Variants in DCC observed in about 807,000 individuals in gnomAD.
DCC encodes netrin receptor DCC.
DCC carries 58 observed loss-of-function variants against 172.5 expected under a neutral mutation model. The observed-to-expected ratio is 0.34, with a 90% confidence interval of 0.27 to 0.42. DCC has a LOEUF of 0.42. DCC is among the 10% of genes least tolerant of loss of function. The pLI, the probability that DCC is intolerant of heterozygous loss-of-function variation, is 1.00. For synonymous variants in DCC, 709 were observed against 644.5 expected (o/e 1.10, Z -1.52); for missense variants, 1,740 against 1,791.0 (o/e 0.97, Z 0.51).
At chr18:52,540,597 CTTTTTTTTT>C (rs71175505) in intron 1 of DCC, among the ~76,000 whole-genome samples, 12 of 67,486 alleles carry the variant, frequency 1.8e-4, no homozygotes, top group Admixed American at 2.1e-4. Context: ...ATTCAACTGC[CTTTTTTTTT>C]TTTTTTTTTT....
intron 1 of DCC, among the ~76,000 whole-genome samples, chr18:52,617,200 A>G (rs902871211): frequency 3.3e-5 from 5 of 152,320 alleles, no homozygotes; most frequent in African/African-American, 1.2e-4. Context: ...TGGAAGTATC[A>G]CACTGTACCC....
chr18:53,035,218 A>C (rs1599051040), intron 5 of DCC, among the ~76,000 whole-genome samples: 1 of 151,866 alleles, frequency 6.6e-6, no homozygotes, highest in Non-Finnish European at 1.5e-5. Context: ...TCTGTTTAAG[A>C]TACTTTGAAA....
intron 13 of DCC, among the ~76,000 whole-genome samples, chr18:53,314,012 C>T (rs1025907123): frequency 2.0e-5 from 3 of 152,156 alleles, no homozygotes; most frequent in South Asian, 2.1e-4. Context: ...ATCTATGAAA[C>T]GCTTGATTTT....
chr18:52,647,819 A>G lies in DCC; in HGVS notation c.92-104235A>G, dbSNP rs183707968. ...GACTGATCAAACTACTGCTACGTTC[A>G]AGGGATCTTGCTATGTATTAGCAGG... On this transcript the variant is annotated intron_variant, in intron 1 of 28. Transcript: ENST00000442544. Among the ~76,000 whole-genome samples, 229 of 152,312 alleles carry G rather than the reference A, an allele frequency of 1.5e-3. 6 individuals carry two copies. Among genetic ancestry groups the G allele is most frequent in the Admixed American group, 0.014 (216 of 15,298 alleles).
intron 26 of DCC, among the ~76,000 whole-genome samples, chr18:53,497,115 A>G (rs1229661421): frequency 6.6e-6 from 1 of 152,208 alleles, no homozygotes; most frequent in Non-Finnish European, 1.5e-5. Flanking sequence ...TGTGGCATTT[A>G]TAGACCCTTT....
rs547402597 is a variant in DCC, at chr18:53,003,419, G to T, written c.986-59886G>T. On this transcript the variant is annotated intron_variant, in intron 5 of 28. Coordinates refer to ENST00000442544, the MANE Select transcript of DCC (RefSeq NM_005215.4). ...TGTGGATCTAAGGGGAGAGATTTTG[G>T]TTGGGACCACACAGATGTGGGAAAA... 6.0e-5 allele frequency among the ~76,000 whole-genome samples: 9 copies of T among 150,914 alleles called. No individual in the cohort carries two copies. The South Asian group carries it at 1.7e-3, about 28-fold the overall frequency.
intron 2 of DCC, among the ~76,000 whole-genome samples, chr18:52,799,613 C>G (rs75983472): frequency 0.031 from 4,710 of 152,256 alleles, 115 homozygotes; most frequent in Non-Finnish European, 0.047. Flanking sequence ...ATTCCACTTT[C>G]CAAATACTTG....
At chr18:52,532,345 A>C (rs1208263605) in intron 1 of DCC, among the ~76,000 whole-genome samples, 1 of 152,158 alleles carries the variant, frequency 6.6e-6, no homozygotes, top group Non-Finnish European at 1.5e-5. Context: ...GTTTCTTTTT[A>C]ATTTGTGCAA....
chr18:52,669,449 A>G (rs1005173186), intron 1 of DCC, among the ~76,000 whole-genome samples: 1 of 152,228 alleles, frequency 6.6e-6, no homozygotes. Context: ...GTTTTAAACT[A>G]TAAGTTCCTT....
chr18:53,408,059 A>G (rs1909776184), intron 19 of DCC, among the ~76,000 whole-genome samples: 1 of 152,204 alleles, frequency 6.6e-6, no homozygotes, highest in Non-Finnish European at 1.5e-5. Flanking sequence ...TCATATTTTC[A>G]TCATTGACAT....
At chr18:53,234,496 C>A (rs1287812486) in intron 12 of DCC, among the ~76,000 whole-genome samples, 10 of 152,048 alleles carry the variant, frequency 6.6e-5, no homozygotes, top group Admixed American at 6.6e-4. Flanking sequence ...CTTCAAGACC[C>A]CAGATATCAC....
intron 12 of DCC, among the ~76,000 whole-genome samples, chr18:53,240,048 A>AAC (rs1443237874): frequency 8.2e-4 from 121 of 148,254 alleles, no homozygotes; most frequent in African/African-American, 2.9e-3. Context: ...AAAAAAAAAA[A>AAC]AACAACAAAA....
chr18:52,364,506 C>T (rs1029185510), intron 1 of DCC, among the ~76,000 whole-genome samples: 1 of 152,018 alleles, frequency 6.6e-6, no homozygotes. Flanking sequence ...ATTAAAAGAC[C>T]AAAGTTTTCT....
intron 2 of DCC, among the ~76,000 whole-genome samples, chr18:52,838,251 T>A (rs2038747123): frequency 6.6e-6 from 1 of 152,320 alleles, no homozygotes; most frequent in Non-Finnish European, 1.5e-5. Flanking sequence ...TATTATACTT[T>A]TATATTATGA....
intron 2 of DCC, among the ~76,000 whole-genome samples, chr18:52,766,753 T>C (rs148827164): frequency 1.3e-3 from 205 of 151,982 alleles, no homozygotes; most frequent in African/African-American, 4.7e-3. Context: ...CCATGGGTGG[T>C]TTAGGAAAAG....
At position 52,822,019 on chromosome 18, in the gene DCC, T is replaced by C. The variant is rs141018654; in HGVS notation, c.412+69645T>C. ...AGAGCCAGTACAGCCTAAAATTAAT[T>C]TGGTAATTGGGCTTTAGAATCTCTT... On this transcript the variant is annotated intron_variant, in intron 2 of 28. Transcript: ENST00000442544. 1.9e-3 allele frequency among the ~76,000 whole-genome samples: 284 copies of C among 152,310 alleles called. 2 individuals carry two copies. Among genetic ancestry groups the C allele is most frequent in the African/African-American group, 6.4e-3 (268 of 41,568 alleles).
chr18:53,178,835 C>T (rs1047120617), intron 8 of DCC, 127 bp from the exon 9 acceptor site: 2 of 878,178 alleles, frequency 2.3e-6, no homozygotes, highest in Admixed American at 2.0e-5. Flanking sequence ...TGAATTATGT[C>T]CCAGAGTCAA....
At chr18:52,581,187 T>TTATCTATCTATCTATCTATCTATCTATC (rs74178674) in intron 1 of DCC, among the ~76,000 whole-genome samples, 51,522 of 146,226 alleles carry the variant, frequency 0.35, 9,549 homozygotes, top group Admixed American at 0.4. Flanking sequence ...TCTATATATC[T>TTATCTATCTATCTATCTATCTATCTATC]TATCTATCTA....
At chr18:53,509,223 G>A (rs1384404732) in intron 27 of DCC, among the ~76,000 whole-genome samples, 1 of 152,218 alleles carries the variant, frequency 6.6e-6, no homozygotes, top group Non-Finnish European at 1.5e-5. Context: ...AGAAAAAGAG[G>A]TTATTTCTCA....
Sources: allele counts gnomAD v4.1 joint callset (sites outside exome capture counted in the v4.1 genomes callset), GRCh38; gene constraint gnomAD v4.1.1; transcripts MANE v1.5; gene names NCBI Gene and HGNC (gene_info 2026-07-23, HGNC 2026-07-21).